Variants in ATP9A observed in about 807,000 individuals in gnomAD.
ATP9A encodes ATPase phospholipid transporting 9A.
ATP9A carries 52 observed loss-of-function variants against 144.1 expected under a neutral mutation model. The observed-to-expected ratio is 0.36, with a 90% confidence interval of 0.29 to 0.45. ATP9A has a LOEUF of 0.45. Among genes scored for constraint, ATP9A ranks in the 20% least tolerant of loss-of-function variants. The pLI is 1.00. For synonymous variants in ATP9A, 582 were observed against 557.4 expected, an observed-to-expected ratio of 1.04 and a Z score of -0.62; for missense variants, 947 against 1,392.7, an observed-to-expected ratio of 0.68 and a Z score of 5.09.
chr20:51,661,933 T>G (rs2077412546), intron 13 of ATP9A, among the ~76,000 whole-genome samples: 1 of 152,206 alleles, frequency 6.6e-6, no homozygotes, highest in South Asian at 2.1e-4. Flanking sequence ...ATCATCATCA[T>G]TCTCAACTTG....
intron 10 of ATP9A, 98 bp downstream of exon 10, chr20:51,676,034 T>C: frequency 2.3e-6 from 2 of 857,286 alleles, no homozygotes; most frequent in Non-Finnish European, 1.9e-6. Flanking sequence ...TCTGTATAAA[T>C]ATCACTCTTA....
intron 1 of ATP9A, among the ~76,000 whole-genome samples, chr20:51,735,252 C>T (rs976208701): frequency 6.6e-6 from 1 of 152,058 alleles, no homozygotes; most frequent in Non-Finnish European, 1.5e-5. Flanking sequence ...TACACAAAAC[C>T]GAAAAGCAAG....
intron 2 of ATP9A, 37 bp downstream of exon 2, chr20:51,729,786 TATTTGTGATGG>T: frequency 2.0e-6 from 3 of 1,504,730 alleles, no homozygotes; most frequent in Non-Finnish European, 2.7e-6. Context: ...CCAATGCATG[TATTTGTGATGG>T]AAAAAAGAAA....
intron 27 of ATP9A, among the ~76,000 whole-genome samples, chr20:51,601,851 G>A (rs2077144478): frequency 6.6e-6 from 1 of 151,966 alleles, no homozygotes; most frequent in Non-Finnish European, 1.5e-5. Context: ...AGACTGCAGT[G>A]AGCCAACATT....
chr20:51,707,695 T>C (rs924016485), intron 4 of ATP9A, among the ~76,000 whole-genome samples: 2 of 152,156 alleles, frequency 1.3e-5, no homozygotes, highest in African/African-American at 4.8e-5. Flanking sequence ...ACATTCCTTA[T>C]GAGGATCACC....
chr20:51,760,383 C>T (rs1283112407), intron 1 of ATP9A, among the ~76,000 whole-genome samples: 1 of 152,068 alleles, frequency 6.6e-6, no homozygotes, highest in Middle Eastern at 3.2e-3. Flanking sequence ...CCCCTAAGAG[C>T]AATGGTTCCA....
At chr20:51,605,867 CG>C (rs911387685) in intron 26 of ATP9A, among the ~76,000 whole-genome samples, 3 of 139,094 alleles carry the variant, frequency 2.2e-5, no homozygotes, top group African/African-American at 8.2e-5. Flanking sequence ...AAGCCGAGAT[CG>C]TGCCACTGCA....
In ATP9A at chr20:51,611,568, C is replaced by A. The variant is rs1187261030; in HGVS notation, c.2572-1403G>T. On this transcript the variant is annotated intron_variant, in intron 23 of 27. Coordinates refer to ENST00000338821, the MANE Select transcript of ATP9A (RefSeq NM_006045.3). This position sits in a 1 kb window ranked among gnomAD's most constrained non-coding sequence, Gnocchi z 4.2. ...GACTTGCTCTCGGCCATTTTCAGCA[C>A]AGTGGACAGGGGTTAAAGGCATTTT... Among the ~76,000 whole-genome samples the A allele has an allele frequency of 6.6e-6, 1 of 152,216 alleles. No homozygotes were observed. The highest frequency in any genetic ancestry group is 1.5e-5 in the Non-Finnish European group (1 of 68,044).
intron 15 of ATP9A, among the ~76,000 whole-genome samples, chr20:51,630,006 C>T (rs906951579): frequency 2.0e-5 from 3 of 152,236 alleles, no homozygotes; most frequent in Non-Finnish European, 4.4e-5. Context: ...CTCAACAGGG[C>T]AATGTGGCCC....
chr20:51,744,329 C>A (rs1458797407), intron 1 of ATP9A, among the ~76,000 whole-genome samples: 1 of 151,998 alleles, frequency 6.6e-6, no homozygotes, highest in East Asian at 1.9e-4. Context: ...CCACAGCCGG[C>A]TAATTTTTGT....
rs376043745 is a variant in ATP9A at position 51,747,368 on chromosome 20, C to T, written c.69-17390G>A. Reference sequence around the variant, plus strand: ...GATCTCTGGTCCTATGGGAGATGCACGAGGATGTTCACAGCGGCAATAGAC... The same window carrying T: ...GATCTCTGGTCCTATGGGAGATGCATGAGGATGTTCACAGCGGCAATAGAC... On this transcript the variant is annotated intron_variant, in intron 1 of 27. Transcript: ENST00000338821. 2.8e-4 allele frequency among the ~76,000 whole-genome samples: 42 copies of T among 152,026 alleles called. No individual in the cohort carries two copies. In the South Asian group the frequency reaches 5.6e-3, roughly 20 times the overall value.
intron 4 of ATP9A, among the ~76,000 whole-genome samples, chr20:51,710,981 C>T (rs1340912292): frequency 6.6e-6 from 1 of 152,008 alleles, no homozygotes; most frequent in Non-Finnish European, 1.5e-5. Flanking sequence ...TTGTTGGTTG[C>T]CAAGCGTTTT....
At chr20:51,742,133 G>A (rs191644071) in intron 1 of ATP9A, among the ~76,000 whole-genome samples, 1 of 152,024 alleles carries the variant, frequency 6.6e-6, no homozygotes, top group African/African-American at 2.4e-5. Context: ...AGACCAGCCC[G>A]AGCAACACGG....
chr20:51,749,173 A>G (rs1193439327), intron 1 of ATP9A, among the ~76,000 whole-genome samples: 1 of 152,166 alleles, frequency 6.6e-6, no homozygotes, highest in Non-Finnish European at 1.5e-5. Context: ...CAGCCTAGGC[A>G]ACACAGCCCC....
At position 51,598,696 on chromosome 20, in the gene ATP9A, T is replaced by C. The variant is rs1290027940; in HGVS notation, c.*2515A>G. On this transcript the variant is annotated 3_prime_UTR_variant, in exon 28 of 28. Coordinates refer to ENST00000338821, the MANE Select transcript of ATP9A (RefSeq NM_006045.3). ...TGGGCTTACAGTCTGATTGTGCAGG[T>C]AAAGATCGTGTCCTCTCACCGGACT... 1 of 151,708 alleles carries C rather than the reference T, an allele frequency of 6.6e-6. No homozygotes were observed. Among genetic ancestry groups the C allele is most frequent in the African/African-American group, 2.4e-5 (1 of 41,256 alleles). 9.4% of individuals were successfully genotyped at this position (151,708 alleles called of 1,614,324 possible).
At chr20:51,604,138 T>C (rs4809854) in intron 27 of ATP9A, among the ~76,000 whole-genome samples, 65,099 of 151,944 alleles carry the variant, frequency 0.43, 14,335 homozygotes, top group South Asian at 0.58. Flanking sequence ...CCATTTTTCT[T>C]TCTTGGTAAC....
chr20:51,667,730 CTGAG>C (rs1230263679), intron 13 of ATP9A, among the ~76,000 whole-genome samples: 1 of 152,030 alleles, frequency 6.6e-6, no homozygotes, highest in East Asian at 2.0e-4. Context: ...GGTCACCTTG[CTGAG>C]TGAGTGAGAA....
chr20:51,741,848 C>G (rs1179917185), intron 1 of ATP9A, among the ~76,000 whole-genome samples: 1 of 152,200 alleles, frequency 6.6e-6, no homozygotes, highest in East Asian at 1.9e-4. Context: ...ATGCTACTCT[C>G]ATCTAGTGGA....
At chr20:51,698,422 C>T (rs1001945611) in intron 4 of ATP9A, among the ~76,000 whole-genome samples, 1 of 152,156 alleles carries the variant, frequency 6.6e-6, no homozygotes, top group Non-Finnish European at 1.5e-5. Flanking sequence ...ATTCGAGAGG[C>T]TGAGGTGTGG....
Sources: allele counts gnomAD v4.1 joint callset (sites outside exome capture counted in the v4.1 genomes callset), GRCh38; gene constraint gnomAD v4.1.1; non-coding constraint Gnocchi (gnomAD v3.1); transcripts MANE v1.5; gene names NCBI Gene and HGNC (gene_info 2026-07-23, HGNC 2026-07-21).